Variants in SCN1A observed in about 807,000 individuals in gnomAD.
SCN1A encodes the protein sodium channel protein type 1 subunit alpha.
SCN1A carries 13 observed loss-of-function variants against 193.7 expected under a neutral mutation model. That is an observed-to-expected ratio of 0.07 (90% CI 0.04 to 0.11). SCN1A has a LOEUF of 0.11. SCN1A is among the 10% of genes least tolerant of loss of function. SCN1A has a pLI of 1.00. For synonymous variants in SCN1A, 781 were observed against 843.6 expected, an observed-to-expected ratio of 0.93 and a Z score of 1.29; for missense variants, 1,432 against 2,451.1, an observed-to-expected ratio of 0.58 and a Z score of 8.78.
intron 28 of SCN1A, chr2:165,993,711 C>G (rs1219843789): frequency 5.6e-6 from 1 of 178,624 alleles, no homozygotes. Context: ...TTATGCAATA[C>G]TTTTCCTTAT....
intron 27 of SCN1A, among the ~76,000 whole-genome samples, chr2:165,994,791 A>G (rs1029354586): frequency 6.6e-6 from 1 of 151,924 alleles, no homozygotes; most frequent in Non-Finnish European, 1.5e-5. Context: ...AGACTTTCCA[A>G]TGATCAGCTG....
intron 4 of SCN1A, among the ~76,000 whole-genome samples, chr2:166,070,353 T>C (rs1684286743): frequency 6.6e-6 from 1 of 152,220 alleles, no homozygotes; most frequent in South Asian, 2.1e-4. Flanking sequence ...GCCATGAGTA[T>C]ACCTTACCTT....
intron 2 of SCN1A, among the ~76,000 whole-genome samples, chr2:166,090,029 C>CTTTT (rs545740675): frequency 1.3e-4 from 9 of 71,382 alleles, no homozygotes; most frequent in Admixed American, 4.3e-4. Flanking sequence ...TCCTTCTTTC[C>CTTTT]TTTTTTTTTT....
intron 9 of SCN1A, 31 bp downstream of exon 9, chr2:166,051,688 T>G: frequency 2.0e-6 from 3 of 1,534,448 alleles, no homozygotes; most frequent in Non-Finnish European, 2.7e-6. Flanking sequence ...ATTCTACTTT[T>G]TAAGGAAATG....
chr2:166,090,341 A>T (rs946285868), intron 2 of SCN1A, among the ~76,000 whole-genome samples: 2 of 152,122 alleles, frequency 1.3e-5, no homozygotes, highest in Non-Finnish European at 2.9e-5. Flanking sequence ...AGAAAGAGAA[A>T]AGAATTTAAA....
At chr2:166,127,705 C>A (rs1243468388) in intron 1 of SCN1A, 66 bp downstream of exon 1, 1 of 152,062 alleles carries the variant, frequency 6.6e-6, no homozygotes, top group African/African-American at 2.4e-5. Context: ...TCCATGGACT[C>A]TTTTTCCAAA....
At chr2:166,088,054 GTT>G (rs1367379283) in intron 2 of SCN1A, among the ~76,000 whole-genome samples, 6 of 131,222 alleles carry the variant, frequency 4.6e-5, no homozygotes, top group Admixed American at 3.3e-4. Flanking sequence ...CAATCTGTGT[GTT>G]TGTGTGTGTG....
intron 15 of SCN1A, 148 bp downstream of exon 15, chr2:166,042,144 C>G (rs1287175218): frequency 4.1e-6 from 3 of 734,774 alleles, no homozygotes; most frequent in African/African-American, 1.8e-5. Flanking sequence ...TCTAGAATAT[C>G]TGAGTAGATA....
intron 1 of SCN1A, among the ~76,000 whole-genome samples, chr2:166,139,398 G>A (rs1260212953): frequency 1.3e-5 from 2 of 152,116 alleles, no homozygotes; most frequent in Non-Finnish European, 2.9e-5. Context: ...GGTTTTTCCT[G>A]TGCTGTTCTC....
intron 19 of SCN1A, among the ~76,000 whole-genome samples, chr2:166,021,613 A>G (rs1397007439): frequency 6.6e-6 from 1 of 152,328 alleles, no homozygotes; most frequent in South Asian, 2.1e-4. Context: ...AAAACAAGAA[A>G]GGCATTAAGC....
chr2:166,103,318 G>C (rs1027654459), intron 2 of SCN1A, among the ~76,000 whole-genome samples: 1 of 152,012 alleles, frequency 6.6e-6, no homozygotes, highest in Admixed American at 6.5e-5. Flanking sequence ...GGGCATGGTG[G>C]CAGGCACCTG....
At chr2:166,023,911 G>A (rs578023893) in intron 19 of SCN1A, among the ~76,000 whole-genome samples, 580 of 152,102 alleles carry the variant, frequency 3.8e-3, no homozygotes, top group Non-Finnish European at 6.7e-3. Context: ...AAGTAGCTGG[G>A]ATTACAGGCA....
At chr2:166,039,372 C>T (rs1003154090) in intron 17 of SCN1A, 51 bp downstream of exon 17, 1 of 1,580,776 alleles carries the variant, frequency 6.3e-7, no homozygotes, top group African/African-American at 1.4e-5. Context: ...TGCAAGAACC[C>T]TGATTGTTAG....
At position 166,013,830 on chromosome 2, in the gene SCN1A, G is replaced by T; in HGVS notation, c.3619C>A (p.Leu1207Met). The change falls in exon 21 of 29, where the codon CTG becomes ATG. Residue 1207 changes from leucine to methionine, a missense_variant. Leu to Met is a conservative substitution (Grantham distance 15). Around this residue, in one of 18 missense-constraint regions of SCN1A, gnomAD observed 198 missense variants for 225.8 expected, o/e 0.88. Transcript: ENST00000674923. Reference sequence around the variant, plus strand: ...ACTATTCGGAAACACGTCCTTCTCAGGTTCCACCATTGTTTTCCTCTGCCT... The same window carrying T: ...ACTATTCGGAAACACGTCCTTCTCATGTTCCACCATTGTTTTCCTCTGCCT... ...EEGRGKQWWNLRRTCFRIVEH... is the reference protein window; with the variant it reads ...EEGRGKQWWNMRRTCFRIVEH... 2 of 1,612,434 alleles carry T rather than the reference G, an allele frequency of 1.2e-6. No homozygotes were observed. The highest frequency in any genetic ancestry group is 1.7e-6 in the Non-Finnish European group (2 of 1,178,784).
chr2:165,995,910 G>C (rs1689964635), intron 27 of SCN1A, 103 bp downstream of exon 27: 1 of 801,064 alleles, frequency 1.2e-6, no homozygotes, highest in East Asian at 2.5e-5. Context: ...ACAAGTGAAA[G>C]AAATTTTTTC....
chr2:166,074,791 A>C (rs944697878), intron 3 of SCN1A, among the ~76,000 whole-genome samples: 8 of 152,186 alleles, frequency 5.3e-5, no homozygotes, highest in Non-Finnish European at 8.8e-5. Context: ...GTGTATATGA[A>C]CTACAATAAG....
At chr2:166,118,867 TG>T (rs758048394) in intron 2 of SCN1A, among the ~76,000 whole-genome samples, 1 of 152,236 alleles carries the variant, frequency 6.6e-6, no homozygotes. Flanking sequence ...CTTAAAATTA[TG>T]AATATTTGCT....
intron 2 of SCN1A, among the ~76,000 whole-genome samples, chr2:166,089,553 A>G (rs1045877563): frequency 6.6e-6 from 1 of 151,958 alleles, no homozygotes; most frequent in African/African-American, 2.4e-5. Context: ...AGGGCGTAAG[A>G]GTTCTTTTTT....
rs558151292 is a variant in SCN1A, at chr2:166,148,912, A to G, written c.-50+135T>C. 2.6e-5 allele frequency: 4 copies of G among 152,350 alleles called. No individual in the cohort carries two copies. In the East Asian group the frequency reaches 5.8e-4, roughly 22 times the overall value. 9.4% of individuals were successfully genotyped at this position (152,350 alleles called of 1,614,324 possible). ...GTGTCTCAAAGCCAGGATTACTGGAAGACTTACTATGCTTATTCAAGCATG... is the reference window on the plus strand; with the variant it reads ...GTGTCTCAAAGCCAGGATTACTGGAGGACTTACTATGCTTATTCAAGCATG... On this transcript the variant is annotated intron_variant, in intron 1 of 26. Transcript: ENST00000635750.
Sources: gnomAD v4.1 joint callset for allele counts (sites outside exome capture counted in the v4.1 genomes callset) on GRCh38, gnomAD v4.1.1 for gene constraint, gnomAD v4.1.1 regional missense constraint, MANE v1.5 for transcripts, NCBI Gene and HGNC (gene_info 2026-07-23, HGNC 2026-07-21) for gene names.